SECISBP2L: variants seen among roughly 807,000 people sequenced by gnomAD.
SECISBP2L encodes the protein selenocysteine insertion sequence-binding protein 2-like.
In SECISBP2L, 43 loss-of-function variants were observed where a neutral mutation model predicts 114.7. The observed-to-expected ratio is 0.38, with a 90% CI of 0.29 to 0.48. The LOEUF (loss-of-function observed/expected upper bound fraction) is 0.48. Among genes scored for constraint, SECISBP2L ranks in the 20% least tolerant of loss-of-function variants. The probability of loss-of-function intolerance (pLI) is 0.98; values close to 1 mark genes in which losing one functional copy is unlikely to be tolerated. For missense variants in SECISBP2L, 1,136 were observed against 1,301.1 expected, an observed-to-expected ratio of 0.87 and a Z score of 1.95; for synonymous variants, 451 against 439.7, an observed-to-expected ratio of 1.03 and a Z score of -0.32.
chr15:49,039,550 G>A (rs2141087603), intron 1 of SECISBP2L, among the ~76,000 whole-genome samples: 1 of 149,322 alleles, frequency 6.7e-6, no homozygotes, highest in Non-Finnish European at 1.5e-5. Context: ...TTTTAGACAG[G>A]GTCTCGCTCT....
At chr15:49,022,721 G>C (rs1232622722) in intron 7 of SECISBP2L, among the ~76,000 whole-genome samples, 1 of 152,198 alleles carries the variant, frequency 6.6e-6, no homozygotes, top group Non-Finnish European at 1.5e-5. Flanking sequence ...GAACAGAATA[G>C]AAAGTCCAGA....
At position 48,992,118 on chromosome 15, in the gene SECISBP2L, A is replaced by G; in HGVS notation, c.*126T>C. 1 of 892,492 alleles carries G rather than the reference A, an allele frequency of 1.1e-6. No homozygotes were observed. 55.3% of individuals were successfully genotyped at this position (892,492 alleles called of 1,614,324 possible). A position where few individuals can be genotyped will look rare whatever the true frequency, so the allele number is the denominator to read the frequency against. ...CAGATCATAACAAGTAAAAGCTACA[A>G]AAATATTTGTTGGGAATTAAATACG... On this transcript the variant is annotated 3_prime_UTR_variant, in exon 18 of 18. Coordinates refer to ENST00000559471, the MANE Select transcript of SECISBP2L (RefSeq NM_001193489.2).
At chr15:49,040,196 A>G (rs1440495823) in intron 1 of SECISBP2L, among the ~76,000 whole-genome samples, 1 of 152,232 alleles carries the variant, frequency 6.6e-6, no homozygotes, top group Middle Eastern at 3.2e-3. Flanking sequence ...GGCTGCACAT[A>G]TACACAGTAT....
chr15:49,004,996 T>A (rs1566853802), intron 14 of SECISBP2L, among the ~76,000 whole-genome samples: 2 of 151,484 alleles, frequency 1.3e-5, no homozygotes, highest in Non-Finnish European at 2.9e-5. Context: ...ATTAATTTTC[T>A]GTCTCGTTGA....
At chr15:49,043,491 A>C (rs1903182538) in intron 1 of SECISBP2L, among the ~76,000 whole-genome samples, 1 of 152,126 alleles carries the variant, frequency 6.6e-6, no homozygotes, top group Non-Finnish European at 1.5e-5. Flanking sequence ...GTGTTCTGTC[A>C]CTTCTAAGCC....
At chr15:49,007,404 T>C (rs1302480062) in intron 14 of SECISBP2L, among the ~76,000 whole-genome samples, 1 of 152,204 alleles carries the variant, frequency 6.6e-6, no homozygotes, top group Admixed American at 6.5e-5. Context: ...CAGCTGCCCC[T>C]TCCCCAAGAT....
intron 1 of SECISBP2L, among the ~76,000 whole-genome samples, chr15:49,045,477 C>T (rs1022479210): frequency 5.9e-5 from 9 of 152,256 alleles, no homozygotes; most frequent in African/African-American, 1.9e-4. Flanking sequence ...TCGCAGAGAT[C>T]TTAAGAGTGG....
Position 49,016,640 on chromosome 15 carries a change from T to G in SECISBP2L, c.1481A>C (p.Asp494Ala), listed in dbSNP as rs772399640. ...NKTPVQLDLG[D>A]MLAALEKQQQ... is the part of the protein sequence containing the mutation. ...TTGTTTTTCCAGAGCAGCTAACATG[T>G]CCCCTAAATCTAGCTGCACAGGTGT... The change falls in exon 11 of 18, where the codon GAC becomes GCC. Residue 494 changes from aspartate to alanine, a missense_variant. Around this residue, in one of 2 missense-constraint regions of SECISBP2L, gnomAD observed 684 missense variants for 848.7 expected, o/e 0.81. Transcript: ENST00000559471. The G allele has an allele frequency of 6.2e-7, 1 of 1,609,768 alleles. No individual in the cohort carries two copies. Among genetic ancestry groups the G allele is most frequent in the Admixed American group, 1.7e-5 (1 of 59,862 alleles).
intron 11 of SECISBP2L, among the ~76,000 whole-genome samples, chr15:49,016,282 G>C (rs1246738829): frequency 6.6e-6 from 1 of 152,122 alleles, no homozygotes; most frequent in African/African-American, 2.4e-5. Flanking sequence ...TACTGTGGTG[G>C]CAGGAAATCT....
At chr15:49,005,913 G>A (rs989807401) in intron 14 of SECISBP2L, among the ~76,000 whole-genome samples, 131 of 152,000 alleles carry the variant, frequency 8.6e-4, no homozygotes, top group Middle Eastern at 3.4e-3. Flanking sequence ...TCCATATTTA[G>A]TGCTTCCTTC....
chr15:49,004,118 C>G (rs1902266141), intron 14 of SECISBP2L, among the ~76,000 whole-genome samples: 1 of 152,136 alleles, frequency 6.6e-6, no homozygotes, highest in African/African-American at 2.4e-5. Context: ...AATTTCAGAA[C>G]TTGTTATTGC....
chr15:49,039,308 G>GA (rs1476935863), intron 1 of SECISBP2L, among the ~76,000 whole-genome samples: 2 of 151,966 alleles, frequency 1.3e-5, no homozygotes, highest in Non-Finnish European at 2.9e-5. Context: ...TTCACTCTGT[G>GA]ATATTCATTA....
In SECISBP2L at chr15:48,988,761, A is replaced by G; in HGVS notation, c.*3483T>C. On this transcript the variant is annotated 3_prime_UTR_variant, in exon 18 of 18. Coordinates refer to ENST00000559471, the MANE Select transcript of SECISBP2L (RefSeq NM_001193489.2). ...TTATCCTTCATACAGCAAAAGATGA[A>G]AATCCCTTCATGTTATAACTCACAC... The G allele has an allele frequency of 1.0e-5, 3 of 297,616 alleles. No individual in the cohort carries two copies. Among genetic ancestry groups the G allele is most frequent in the Non-Finnish European group, 2.0e-5 (3 of 147,976 alleles). 18.4% of individuals were successfully genotyped at this position (297,616 alleles called of 1,614,324 possible). A position where few individuals can be genotyped will look rare whatever the true frequency, so the allele number is the denominator to read the frequency against.
chr15:49,004,178 G>A (rs1296985362), intron 14 of SECISBP2L, among the ~76,000 whole-genome samples: 1 of 152,182 alleles, frequency 6.6e-6, no homozygotes, highest in Non-Finnish European at 1.5e-5. Context: ...GAGGGTGTAT[G>A]TGTCCAGGAA....
intron 14 of SECISBP2L, among the ~76,000 whole-genome samples, chr15:49,004,036 C>A (rs912652051): frequency 2.0e-5 from 3 of 152,138 alleles, no homozygotes; most frequent in Non-Finnish European, 4.4e-5. Context: ...CTTTGTAACT[C>A]TGGCAGAATT....
Position 48,992,752 on chromosome 15 carries a change from G to A in SECISBP2L, c.2798C>T (p.Thr933Ile). 1.2e-6 allele frequency: 2 copies of A among 1,614,214 alleles called. No homozygotes were observed. Among genetic ancestry groups the A allele is most frequent in the East Asian group, 2.2e-5 (1 of 44,878 alleles). Residue 933 changes from threonine (T) to isoleucine (I), a missense_variant, in exon 18 of 18, where the codon ACA becomes ATA. By Grantham distance (89) the Thr-to-Ile change is moderately conservative. This residue lies in a region of SECISBP2L where 684 missense variants were observed against 848.7 expected (regional missense o/e 0.81). Transcript: ENST00000559471. ...ACTTGCTGTGGATTTCCCAGCACTT[G>A]TAGCTGAGGTAGTACTGCCTGTAGC... Reference protein sequence around the residue: ...LVATGSTTSATSAGKSTASDK... With the variant: ...LVATGSTTSAISAGKSTASDK...
At chr15:49,020,852 AT>A (rs1421119055) in intron 7 of SECISBP2L, among the ~76,000 whole-genome samples, 1 of 152,110 alleles carries the variant, frequency 6.6e-6, no homozygotes, top group Non-Finnish European at 1.5e-5. Flanking sequence ...CTTGCAGTTT[AT>A]TTTTTTATAA....
Position 49,009,261 on chromosome 15 carries a change from A to T in SECISBP2L, c.1982T>A (p.Met661Lys). ...GATTTTGGTTATTGTTGAAGATGCC[A>T]TTGGACTGCCTATTCCAGAACTAGC... ...SPASSGIGSP[M>K]ASSTITKIHS... The change falls in exon 14 of 18, where the codon ATG (methionine) becomes AAG (lysine). Residue 661 changes from methionine to lysine, a missense_variant. Met to Lys is a moderately conservative substitution (Grantham distance 95, BLOSUM62 -1). Coordinates refer to ENST00000559471, the MANE Select transcript of SECISBP2L (RefSeq NM_001193489.2). The T allele has an allele frequency of 6.2e-7, 1 of 1,614,176 alleles. No individual in the cohort carries two copies. Among genetic ancestry groups the T allele is most frequent in the Non-Finnish European group, 8.5e-7 (1 of 1,180,010 alleles).
chr15:49,027,271 C>T (rs1017889832), intron 7 of SECISBP2L, 94 bp downstream of exon 7: 4 of 786,962 alleles, frequency 5.1e-6, no homozygotes, highest in African/African-American at 3.4e-5. Context: ...TTCCAAATCA[C>T]TCCATGTGCA....
Sources: gnomAD v4.1 joint callset for allele counts (sites outside exome capture counted in the v4.1 genomes callset) on GRCh38, gnomAD v4.1.1 for gene constraint, gnomAD v4.1.1 regional missense constraint, MANE v1.5 for transcripts, NCBI Gene and HGNC (gene_info 2026-07-23, HGNC 2026-07-21) for gene names.